ELMO1: variants seen among roughly 807,000 people sequenced by gnomAD.
The protein encoded by ELMO1 is engulfment and cell motility 1, also known as engulfment and cell motility protein 1.
Under a neutral mutation model 98.9 loss-of-function variants are expected in ELMO1, and 26 were observed. That is an observed-to-expected ratio of 0.26 (90% CI 0.19 to 0.36). ELMO1 has a LOEUF of 0.36. ELMO1 is among the 10% of genes least tolerant of loss of function. ELMO1 has a pLI of 1.00. For synonymous variants in ELMO1, 346 were observed against 346.0 expected (o/e 1.00, Z 0.00); for missense variants, 627 against 935.2 (o/e 0.67, Z 4.30).
intron 1 of ELMO1, among the ~76,000 whole-genome samples, chr7:37,407,970 G>T (rs749174019): frequency 9.2e-5 from 14 of 151,988 alleles, no homozygotes; most frequent in Non-Finnish European, 1.9e-4. Context: ...GAAAAAAATT[G>T]ATTAATTTTT....
chr7:36,902,683 C>T (rs977959061), intron 16 of ELMO1, among the ~76,000 whole-genome samples: 5 of 152,142 alleles, frequency 3.3e-5, no homozygotes, highest in African/African-American at 4.8e-5. Context: ...TGTGACCATC[C>T]GTAACTCTGA....
intron 13 of ELMO1, among the ~76,000 whole-genome samples, chr7:37,162,174 G>T (rs2129330388): frequency 6.6e-6 from 1 of 151,700 alleles, no homozygotes; most frequent in Admixed American, 6.6e-5. Context: ...CGTTTCTGGA[G>T]CCTCTGCAAA....
chr7:37,356,624 A>C (rs1255094838), intron 1 of ELMO1, among the ~76,000 whole-genome samples: 1 of 152,094 alleles, frequency 6.6e-6, no homozygotes, highest in Non-Finnish European at 1.5e-5. Context: ...CCCGTGTGAT[A>C]GGGGAGGGAT....
At chr7:37,145,062 C>CG (rs1268603333) in intron 13 of ELMO1, among the ~76,000 whole-genome samples, 3 of 152,164 alleles carry the variant, frequency 2.0e-5, no homozygotes, top group Non-Finnish European at 4.4e-5. Context: ...AGTGCTCAAA[C>CG]TTGAGCAGGC....
intron 16 of ELMO1, among the ~76,000 whole-genome samples, chr7:36,993,834 C>T (rs574180842): frequency 6.6e-6 from 1 of 152,266 alleles, no homozygotes; most frequent in Non-Finnish European, 1.5e-5. Flanking sequence ...AACATGGTTT[C>T]CAAAATGCAT....
intron 16 of ELMO1, among the ~76,000 whole-genome samples, chr7:36,982,484 T>C (rs988684426): frequency 3.3e-5 from 5 of 152,240 alleles, no homozygotes; most frequent in African/African-American, 1.2e-4. Flanking sequence ...TGCATCATAT[T>C]TCCATTGGAC....
intron 7 of ELMO1, 133 bp from the exon 8 acceptor site, chr7:37,233,327 G>A (rs1229915632): frequency 4.2e-6 from 3 of 707,462 alleles, no homozygotes; most frequent in Non-Finnish European, 6.9e-6. Context: ...GACCACAGGT[G>A]ACTTCTTCAC....
intron 13 of ELMO1, among the ~76,000 whole-genome samples, chr7:37,195,646 C>T (rs537059999): frequency 1.6e-4 from 25 of 152,334 alleles, no homozygotes; most frequent in African/African-American, 5.8e-4. Context: ...AGAACTGTAC[C>T]TCCTCCCAGA....
At chr7:36,915,003 G>C (rs1784590246) in intron 16 of ELMO1, among the ~76,000 whole-genome samples, 1 of 152,172 alleles carries the variant, frequency 6.6e-6, no homozygotes. Context: ...GCCCAGACTG[G>C]AGTGCAGTGG....
intron 15 of ELMO1, among the ~76,000 whole-genome samples, chr7:37,095,547 T>C (rs1356419552): frequency 6.6e-6 from 1 of 152,240 alleles, no homozygotes; most frequent in African/African-American, 2.4e-5. Context: ...CATGTCATCA[T>C]TGGCTGCTTC....
intron 1 of ELMO1, among the ~76,000 whole-genome samples, chr7:37,405,321 C>T (rs946752608): frequency 6.6e-6 from 1 of 152,118 alleles, no homozygotes; most frequent in Admixed American, 6.5e-5. Flanking sequence ...TGTTTCCGAC[C>T]CCCTCCCCAC....
At chr7:37,188,497 A>AAAAAAAT (rs1554438151) in intron 13 of ELMO1, among the ~76,000 whole-genome samples, 2 of 101,680 alleles carry the variant, frequency 2.0e-5, no homozygotes, top group East Asian at 5.8e-4. Context: ...TAAAAAAAAA[A>AAAAAAAT]AAAAAATAAT....
At chr7:37,056,340 C>T (rs547363092) in intron 15 of ELMO1, among the ~76,000 whole-genome samples, 5 of 152,292 alleles carry the variant, frequency 3.3e-5, no homozygotes, top group South Asian at 2.1e-4. Context: ...CAGTTCACAA[C>T]GAGATAAATA....
rs1273339398 is a variant in ELMO1 at position 37,351,159 on chromosome 7, C to T, written c.-73-8396G>A. On this transcript the variant is annotated intron_variant, in intron 1 of 21. Coordinates refer to ENST00000310758, the MANE Select transcript of ELMO1 (RefSeq NM_014800.11). The stretch of plus-strand genomic sequence containing the variant: ...TTAGAGACAGTGCTCGCTTCAGCAG[C>T]ATATATACTAAAACTGGAACAATAC... The T allele has an allele frequency of 5.3e-5, 8 of 152,144 alleles. No homozygotes were observed. In the East Asian group the frequency reaches 1.3e-3, roughly 26 times the overall value. 9.4% of individuals were successfully genotyped at this position (152,144 alleles called of 1,614,324 possible).
intron 13 of ELMO1, among the ~76,000 whole-genome samples, chr7:37,184,321 A>ATAGCTAGG (rs1791064457): frequency 6.6e-6 from 1 of 152,222 alleles, no homozygotes; most frequent in Non-Finnish European, 1.5e-5. Context: ...TCTTCTGTCC[A>ATAGCTAGG]TAGCTAGGTT....
intron 21 of ELMO1, among the ~76,000 whole-genome samples, chr7:36,859,645 C>T (rs1287113983): frequency 1.3e-5 from 2 of 152,186 alleles, no homozygotes; most frequent in African/African-American, 2.4e-5. Context: ...ACCCTGGACA[C>T]GTTTCTTAAG....
intron 13 of ELMO1, among the ~76,000 whole-genome samples, chr7:37,204,887 G>C (rs1381748093): frequency 2.0e-5 from 3 of 152,192 alleles, no homozygotes; most frequent in African/African-American, 7.2e-5. Context: ...ACAGAGTGCT[G>C]ATTGGTGCGT....
At chr7:36,975,845 GA>G (rs200193324) in intron 16 of ELMO1, among the ~76,000 whole-genome samples, 1,545 of 103,800 alleles carry the variant, frequency 0.015, 34 homozygotes, top group Non-Finnish European at 0.016. Context: ...ACACTTGCCT[GA>G]AAAAAAAAAA....
intron 18 of ELMO1, among the ~76,000 whole-genome samples, chr7:36,883,200 G>C (rs954472246): frequency 1.3e-5 from 2 of 152,162 alleles, no homozygotes; most frequent in African/African-American, 4.8e-5. Context: ...AGCACTTAGG[G>C]AATGCTGGTC....
Sources: gnomAD v4.1 joint callset for allele counts (sites outside exome capture counted in the v4.1 genomes callset) on GRCh38, gnomAD v4.1.1 for gene constraint, MANE v1.5 for transcripts, NCBI Gene and HGNC (gene_info 2026-07-23, HGNC 2026-07-21) for gene names.